Variants in C10orf90 observed in about 807,000 individuals in gnomAD.
The protein encoded by C10orf90 is (E2-independent) E3 ubiquitin-conjugating enzyme FATS.
C10orf90 carries 56 observed loss-of-function variants against 62.5 expected under a neutral mutation model. That is an observed-to-expected ratio of 0.90 (90% CI 0.72 to 1.12). C10orf90 has a LOEUF of 1.12. Ranked by LOEUF, C10orf90 falls within the 50% of genes most tolerant of loss-of-function variation. C10orf90 has a pLI of 0.00. For missense variants in C10orf90, 970 were observed against 880.4 expected (o/e 1.10, Z -1.29); for synonymous variants, 386 against 340.4 (o/e 1.13, Z -1.47).
At chr10:126,554,991 C>A (rs1864726949) in intron 2 of C10orf90, among the ~76,000 whole-genome samples, 1 of 152,188 alleles carries the variant, frequency 6.6e-6, no homozygotes, top group African/African-American at 2.4e-5. Context: ...CTTTTAAAAT[C>A]CTGGAAAATG....
At chr10:126,595,227 G>A (rs1225962352) in intron 2 of C10orf90, among the ~76,000 whole-genome samples, 1 of 152,104 alleles carries the variant, frequency 6.6e-6, no homozygotes, top group East Asian at 1.9e-4. Context: ...AACCCAAGCA[G>A]ATCATGAGGA....
In C10orf90 at chr10:126,660,341, T is replaced by C. The variant is rs192813667; in HGVS notation, c.240+9900A>G. On this transcript the variant is annotated intron_variant, in intron 1 of 9. Coordinates refer to ENST00000488181, the MANE Select transcript of C10orf90 (RefSeq NM_001350921.2). Reference sequence around the variant, plus strand: ...ATCAGACAGGCCTGACCTAGTCAGGTGAGCCTTTTATAGAAGTCAGAGAGA... The same window carrying C: ...ATCAGACAGGCCTGACCTAGTCAGGCGAGCCTTTTATAGAAGTCAGAGAGA... Among the ~76,000 whole-genome samples, 174 of 152,356 alleles carry C rather than the reference T, an allele frequency of 1.1e-3. 4 individuals are homozygous for C. In the South Asian group the frequency reaches 0.021, roughly 18 times the overall value.
intron 2 of C10orf90, among the ~76,000 whole-genome samples, chr10:126,603,067 G>A (rs1311592482): frequency 6.6e-6 from 1 of 151,938 alleles, no homozygotes; most frequent in Non-Finnish European, 1.5e-5. Flanking sequence ...GGGAGGGGAT[G>A]ATGCCTTGCA....
At chr10:126,577,010 A>G (rs1175926671) in intron 2 of C10orf90, among the ~76,000 whole-genome samples, 1 of 151,626 alleles carries the variant, frequency 6.6e-6, no homozygotes, top group African/African-American at 2.4e-5. Flanking sequence ...GGTAGGGGGA[A>G]GAGAAGGAGA....
chr10:126,490,090 T>C (rs1564828386), intron 4 of C10orf90, among the ~76,000 whole-genome samples: 1 of 121,022 alleles, frequency 8.3e-6, no homozygotes, highest in Non-Finnish European at 1.6e-5. Context: ...AATAATAATA[T>C]ATAATATATA....
intron 2 of C10orf90, among the ~76,000 whole-genome samples, chr10:126,542,099 A>G (rs1318631286): frequency 6.6e-6 from 1 of 152,222 alleles, no homozygotes; most frequent in African/African-American, 2.4e-5. Context: ...TCTTTACATG[A>G]AATGTCCAGA....
intron 7 of C10orf90, among the ~76,000 whole-genome samples, chr10:126,448,074 G>A (rs1023913101): frequency 9.8e-6 from 1 of 101,604 alleles, no homozygotes; most frequent in Non-Finnish European, 1.8e-5. Flanking sequence ...GTTTCACTAT[G>A]TTGGCCAGGA....
intron 2 of C10orf90, among the ~76,000 whole-genome samples, chr10:126,555,831 C>G (rs1215445254): frequency 6.6e-6 from 1 of 152,154 alleles, no homozygotes; most frequent in African/African-American, 2.4e-5. Context: ...ATGGAAGTCC[C>G]TCTCTCCACA....
intron 2 of C10orf90, among the ~76,000 whole-genome samples, chr10:126,566,110 G>C (rs1255142177): frequency 6.6e-6 from 1 of 152,162 alleles, no homozygotes; most frequent in Non-Finnish European, 1.5e-5. Context: ...TCTGAAGCCA[G>C]AAAGCCTGGC....
At chr10:126,560,395 T>C (rs1864874322) in intron 2 of C10orf90, among the ~76,000 whole-genome samples, 1 of 152,172 alleles carries the variant, frequency 6.6e-6, no homozygotes, top group African/African-American at 2.4e-5. Context: ...TGGTGAATAA[T>C]AAGCTGCCGA....
chr10:126,633,028 T>C (rs575807136), intron 2 of C10orf90, among the ~76,000 whole-genome samples: 1 of 152,310 alleles, frequency 6.6e-6, no homozygotes, highest in African/African-American at 2.4e-5. Flanking sequence ...CTGAATCCCA[T>C]GGCCGTTCAT....
At chr10:126,599,051 C>T (rs971453373) in intron 2 of C10orf90, among the ~76,000 whole-genome samples, 4 of 152,134 alleles carry the variant, frequency 2.6e-5, no homozygotes, top group African/African-American at 7.2e-5. Context: ...TTGGAGACAC[C>T]AGGCTTCAGC....
Position 126,425,913 on chromosome 10 carries a change from A to G in C10orf90, c.2353-11T>C. On this transcript the variant is annotated splice_polypyrimidine_tract_variant and intron_variant, in intron 9 of 9. Transcript: ENST00000488181. ...CTGGTCCAGTAATTGCTAGAGGAAA[A>G]GGGAAACAAAGATGTCAAGTTGAGA... 6.2e-7 allele frequency: 1 copy of G among 1,614,098 alleles called. No homozygotes were observed. The highest frequency in any genetic ancestry group is 1.1e-5 in the South Asian group (1 of 91,064).
chr10:126,632,861 C>A (rs1845877046), intron 2 of C10orf90, among the ~76,000 whole-genome samples: 1 of 152,176 alleles, frequency 6.6e-6, no homozygotes, highest in South Asian at 2.1e-4. Flanking sequence ...AGAGCCATCA[C>A]CCCAACTGAC....
intron 2 of C10orf90, among the ~76,000 whole-genome samples, chr10:126,547,318 CTG>C (rs1864520770): frequency 6.6e-6 from 1 of 151,598 alleles, no homozygotes; most frequent in South Asian, 2.1e-4. Flanking sequence ...ACTCAGGAGG[CTG>C]TGTCAGGAGA....
At chr10:126,514,043 T>G (rs1244854792) in intron 2 of C10orf90, 104 bp from the exon 3 acceptor site, 1 of 768,366 alleles carries the variant, frequency 1.3e-6, no homozygotes, top group Non-Finnish European at 2.1e-6. Context: ...ACATATTCTA[T>G]CAGCCAACAG....
chr10:126,468,346 C>T (rs373056286), intron 4 of C10orf90, among the ~76,000 whole-genome samples: 56 of 152,250 alleles, frequency 3.7e-4, no homozygotes, highest in African/African-American at 1.3e-3. Flanking sequence ...GGATTACAGG[C>T]GTGAGCCGCC....
intron 2 of C10orf90, among the ~76,000 whole-genome samples, chr10:126,626,157 G>C (rs981635186): frequency 1.3e-5 from 2 of 148,564 alleles, no homozygotes; most frequent in African/African-American, 4.9e-5. Flanking sequence ...AAGTGAGAAG[G>C]CTCCAGACAC....
chr10:126,531,274 G>T (rs1245269458), intron 2 of C10orf90, among the ~76,000 whole-genome samples: 1 of 152,192 alleles, frequency 6.6e-6, no homozygotes, highest in African/African-American at 2.4e-5. Flanking sequence ...CTGCCCAGGG[G>T]ACATTTGGCA....
Sources: allele counts gnomAD v4.1 joint callset (sites outside exome capture counted in the v4.1 genomes callset), GRCh38; gene constraint gnomAD v4.1.1; transcripts MANE v1.5; gene names NCBI Gene and HGNC (gene_info 2026-07-23, HGNC 2026-07-21).